FGF7: variants seen among roughly 807,000 people sequenced by gnomAD.
FGF7 encodes the protein FGF-7.
In FGF7, 6 loss-of-function variants were observed where a neutral mutation model predicts 20.5. That is an observed-to-expected ratio of 0.29 (90% confidence interval 0.16 to 0.58). The LOEUF (loss-of-function observed/expected upper bound fraction) is 0.58. Ranked by LOEUF, FGF7 falls within the 20% of genes least tolerant of loss-of-function variation. The pLI, the probability that FGF7 is intolerant of heterozygous loss-of-function variation, is 0.90. For missense variants in FGF7, 144 were observed against 228.8 expected, an observed-to-expected ratio of 0.63 and a Z score of 2.39; for synonymous variants, 64 against 74.7, an observed-to-expected ratio of 0.86 and a Z score of 0.74.
chr15:49,481,811 GT>G (rs1230353969), intron 2 of FGF7, among the ~76,000 whole-genome samples: 1 of 152,104 alleles, frequency 6.6e-6, no homozygotes, highest in African/African-American at 2.4e-5. Flanking sequence ...ATGAGTAGCT[GT>G]GAAACTCTCA....
At chr15:49,444,656 C>A (rs1012370552) in intron 2 of FGF7, among the ~76,000 whole-genome samples, 1 of 151,642 alleles carries the variant, frequency 6.6e-6, no homozygotes, top group Non-Finnish European at 1.5e-5. Flanking sequence ...ACCTTCTTAG[C>A]CTAATATTCT....
At chr15:49,454,220 A>AT (rs1218386475) in intron 2 of FGF7, among the ~76,000 whole-genome samples, 1 of 152,184 alleles carries the variant, frequency 6.6e-6, no homozygotes, top group Admixed American at 6.6e-5. Flanking sequence ...GACTAAATAA[A>AT]TTGCACTGGA....
chr15:49,450,245 G>A (rs2052599899), intron 2 of FGF7, among the ~76,000 whole-genome samples: 1 of 152,100 alleles, frequency 6.6e-6, no homozygotes, highest in Admixed American at 6.6e-5. Flanking sequence ...AACTGATGAA[G>A]TGTGTTCATT....
intron 2 of FGF7, among the ~76,000 whole-genome samples, chr15:49,431,433 T>TAA (rs2050609882): frequency 6.6e-6 from 1 of 151,810 alleles, no homozygotes; most frequent in Non-Finnish European, 1.5e-5. Context: ...TAGTAATATG[T>TAA]AAAGACAAAG....
chr15:49,442,398 G>A (rs999721481), intron 2 of FGF7, among the ~76,000 whole-genome samples: 1 of 151,640 alleles, frequency 6.6e-6, no homozygotes, highest in Non-Finnish European at 1.5e-5. Flanking sequence ...TGAGTACCTT[G>A]TGAGAGTAAA....
In FGF7 at chr15:49,477,551, C is replaced by T. The variant is rs1009079272; in HGVS notation, c.287-5600C>T. On this transcript the variant is annotated intron_variant, in intron 2 of 3. Transcript: ENST00000267843. Reference sequence around the variant, plus strand: ...TTGCTAAATAATATTCCAGTGTATACGTGTACCATAGTTTGTTTATCCATT... The same window carrying T: ...TTGCTAAATAATATTCCAGTGTATATGTGTACCATAGTTTGTTTATCCATT... 6.6e-5 allele frequency among the ~76,000 whole-genome samples: 10 copies of T among 152,088 alleles called. No individual in the cohort carries two copies. In the South Asian group the frequency reaches 8.3e-4, roughly 13 times the overall value.
chr15:49,449,259 T>C (rs1426030690), intron 2 of FGF7, among the ~76,000 whole-genome samples: 1 of 152,052 alleles, frequency 6.6e-6, no homozygotes, highest in Non-Finnish European at 1.5e-5. Context: ...GTTATTTTTA[T>C]ATGGAATAAA....
chr15:49,424,508 T>C lies in FGF7; in HGVS notation c.211T>C (p.Cys71Arg). 1.9e-6 allele frequency: 3 copies of C among 1,613,338 alleles called. No individual in the cohort carries two copies. Among genetic ancestry groups the C allele is most frequent in the Non-Finnish European group, 2.5e-6 (3 of 1,179,520 alleles). The part of the protein sequence containing the change: ...GGDIRVRRLF[C>R]RTQWYLRIDK... ...GGATATAAGAGTGAGAAGACTCTTC[T>C]GTCGAACACAGTGGTACCTGAGGAT... Residue 71 changes from cysteine to arginine, a missense_variant, in exon 2 of 4, where the codon TGT (cysteine) becomes CGT (arginine). By Grantham distance (180) the Cys-to-Arg change is radical. Coordinates refer to ENST00000267843, the MANE Select transcript of FGF7 (RefSeq NM_002009.4).
rs370940276 is a variant in FGF7, at chr15:49,442,511, T to C, written c.286+17928T>C. On this transcript the variant is annotated intron_variant, in intron 2 of 3. Transcript: ENST00000267843. ...AGACTTTAGAACCAGGAGTTGGAAG[T>C]ATTATAGGTCTTTCCATCTATTATA... Among the ~76,000 whole-genome samples the C allele has an allele frequency of 2.4e-4, 37 of 151,836 alleles. 1 individual carries two copies. The South Asian group carries it at 4.4e-3, about 18-fold the overall frequency.
At chr15:49,431,785 A>C (rs147979147) in intron 2 of FGF7, among the ~76,000 whole-genome samples, 5 of 151,926 alleles carry the variant, frequency 3.3e-5, no homozygotes, top group African/African-American at 1.2e-4. Context: ...ACTTAAAATG[A>C]AGCAAAGTTT....
At chr15:49,476,216 TG>T (rs200032273) in intron 2 of FGF7, among the ~76,000 whole-genome samples, 3,706 of 127,842 alleles carry the variant, frequency 0.029, 574 homozygotes, top group Non-Finnish European at 0.044. Context: ...TTTGCTGTTT[TG>T]TTTTTTTGTT....
chr15:49,442,976 C>T (rs1439368479), intron 2 of FGF7, among the ~76,000 whole-genome samples: 1 of 151,660 alleles, frequency 6.6e-6, no homozygotes, highest in Non-Finnish European at 1.5e-5. Context: ...GTTTCTATCT[C>T]GAACTCTGCT....
At chr15:49,428,565 C>T (rs2050321616) in intron 2 of FGF7, among the ~76,000 whole-genome samples, 1 of 151,978 alleles carries the variant, frequency 6.6e-6, no homozygotes, top group African/African-American at 2.4e-5. Flanking sequence ...AGAAATAACA[C>T]TGCTCTTTAA....
At chr15:49,469,987 G>C (rs2054590697) in intron 2 of FGF7, among the ~76,000 whole-genome samples, 1 of 152,132 alleles carries the variant, frequency 6.6e-6, no homozygotes, top group Non-Finnish European at 1.5e-5. Context: ...CTTTTCATTA[G>C]AGGATGGCAT....
intron 2 of FGF7, among the ~76,000 whole-genome samples, chr15:49,441,710 T>C (rs2051664475): frequency 1.3e-5 from 2 of 151,700 alleles, no homozygotes; most frequent in African/African-American, 2.4e-5. Context: ...TATAATACTA[T>C]TTTATTTTAT....
chr15:49,446,876 G>A (rs1406523177), intron 2 of FGF7, among the ~76,000 whole-genome samples: 1 of 151,524 alleles, frequency 6.6e-6, no homozygotes, highest in African/African-American at 2.4e-5. Flanking sequence ...AGTGAGGAAG[G>A]AGTGCTCACT....
In FGF7 at chr15:49,485,244, TAC is replaced by T. The variant is rs2056309057; in HGVS notation, c.*741_*742del. ...TTGATGATAATACTGTACTTCATCT[TAC>T]TTGCCACAAAATAACATTTTATAAA... On this transcript the variant is annotated 3_prime_UTR_variant, in exon 4 of 4. Transcript: ENST00000267843. The T allele has an allele frequency of 6.6e-6, 1 of 152,360 alleles. No homozygotes were observed. Among genetic ancestry groups the T allele is most frequent in the African/African-American group, 2.4e-5 (1 of 41,424 alleles). The allele number at this position is 152,360 out of a possible 1,614,324, so 9.4% of individuals were successfully genotyped here.
chr15:49,482,240 TTTTAC>T (rs1436407321), intron 2 of FGF7, among the ~76,000 whole-genome samples: 1 of 152,032 alleles, frequency 6.6e-6, no homozygotes, highest in African/African-American at 2.4e-5. Context: ...TATCTTGAGA[TTTTAC>T]TTTATTTAGT....
chr15:49,451,204 T>C (rs2052700579), intron 2 of FGF7, among the ~76,000 whole-genome samples: 2 of 152,214 alleles, frequency 1.3e-5, no homozygotes, highest in African/African-American at 4.8e-5. Context: ...AATACGGTCA[T>C]TTAAAATTTT....
Sources: gnomAD v4.1 joint callset for allele counts (sites outside exome capture counted in the v4.1 genomes callset) on GRCh38, gnomAD v4.1.1 for gene constraint, MANE v1.5 for transcripts, NCBI Gene and HGNC (gene_info 2026-07-23, HGNC 2026-07-21) for gene names.